Variants in MLLT3 observed in about 807,000 individuals in gnomAD.
The protein encoded by MLLT3 is MLLT3 super elongation complex subunit.
MLLT3 carries 4 observed loss-of-function variants against 53.2 expected under a neutral mutation model. The ratio of observed to expected loss-of-function variants is 0.08; its 90% confidence interval spans 0.04 to 0.17. The LOEUF is 0.17. Ranked by LOEUF, MLLT3 falls within the 10% of genes least tolerant of loss-of-function variation. The pLI is 1.00. For synonymous variants in MLLT3, 283 were observed against 230.6 expected (o/e 1.23, Z -2.06); for missense variants, 569 against 684.0 (o/e 0.83, Z 1.87).
intron 2 of MLLT3, among the ~76,000 whole-genome samples, chr9:20,535,477 C>G (rs143463146): frequency 6.6e-6 from 1 of 152,000 alleles, no homozygotes; most frequent in Non-Finnish European, 1.5e-5. Context: ...GAGGCCACAG[C>G]CAGCAAGCCT....
At chr9:20,405,732 T>C (rs868389096) in intron 5 of MLLT3, among the ~76,000 whole-genome samples, 23 of 152,230 alleles carry the variant, frequency 1.5e-4, no homozygotes, top group African/African-American at 5.1e-4. Flanking sequence ...GAGATTCTTC[T>C]TCATTCTCAG....
At chr9:20,551,700 C>A (rs1237728934) in intron 2 of MLLT3, among the ~76,000 whole-genome samples, 2 of 152,184 alleles carry the variant, frequency 1.3e-5, no homozygotes, top group African/African-American at 4.8e-5. Context: ...AGAGTGCTAA[C>A]TACTGTATAC....
Position 20,567,304 on chromosome 9 carries a change from TAAA to T in MLLT3, c.193+53347_193+53349del, listed in dbSNP as rs35505450. ...GAGCTGAAAGTAGTACTATATTCAG[TAAA>T]AAAAAAAAAAAAAAAAAAAAACACA... On this transcript the variant is annotated intron_variant, in intron 2 of 10. Coordinates refer to ENST00000380338, the MANE Select transcript of MLLT3 (RefSeq NM_004529.4). Among the ~76,000 whole-genome samples the T allele has an allele frequency of 4.0e-3, 318 of 79,960 alleles. 2 individuals carry two copies. Among genetic ancestry groups the T allele is most frequent in the East Asian group, 0.026 (77 of 2,938 alleles). The allele number at this position is 79,960 out of a possible 152,430, so 52.5% of individuals were successfully genotyped here.
At chr9:20,358,813 A>G (rs547468555) in intron 8 of MLLT3, among the ~76,000 whole-genome samples, 40 of 152,114 alleles carry the variant, frequency 2.6e-4, no homozygotes, top group Non-Finnish European at 5.1e-4. Context: ...GCTCTCATAT[A>G]CCACCCACTG....
At chr9:20,425,510 T>C (rs773376616) in intron 4 of MLLT3, among the ~76,000 whole-genome samples, 10 of 152,130 alleles carry the variant, frequency 6.6e-5, no homozygotes, top group South Asian at 6.2e-4. Flanking sequence ...TTTAGAGACT[T>C]TGTGAAATAC....
chr9:20,522,652 A>G (rs1316591216), intron 2 of MLLT3, among the ~76,000 whole-genome samples: 1 of 148,404 alleles, frequency 6.7e-6, no homozygotes, highest in Middle Eastern at 3.2e-3. Context: ...AGAGTAGAGA[A>G]GAAAATAAAC....
rs190175121 is a variant in MLLT3, at chr9:20,517,886, G to A, written c.194-61100C>T. 2.0e-5 allele frequency among the ~76,000 whole-genome samples: 3 copies of A among 152,104 alleles called. No individual in the cohort carries two copies. In the East Asian group the frequency reaches 5.8e-4, roughly 29 times the overall value. ...GAGAAATCAAATAAAACAAAATAGA[G>A]AAGCAGATGGCAAAAGAGATGAAGA... On this transcript the variant is annotated intron_variant, in intron 2 of 10. Coordinates refer to ENST00000380338, the MANE Select transcript of MLLT3 (RefSeq NM_004529.4).
rs146191918 is a variant in MLLT3, at chr9:20,558,911, G to A, written c.193+61743C>T. ...CAGCATTACAAACAGAAAGGAAGGG[G>A]AGAGCATCTTTCTCATAGCTTAGTC... is the stretch of plus-strand genomic sequence containing the variant. On this transcript the variant is annotated intron_variant, in intron 2 of 10. Coordinates refer to ENST00000380338, the MANE Select transcript of MLLT3 (RefSeq NM_004529.4). Among the ~76,000 whole-genome samples the A allele has an allele frequency of 2.2e-3, 339 of 152,336 alleles. 3 individuals are homozygous for A. Among genetic ancestry groups the A allele is most frequent in the African/African-American group, 7.8e-3 (325 of 41,574 alleles).
intron 2 of MLLT3, among the ~76,000 whole-genome samples, chr9:20,544,409 G>T (rs1818729403): frequency 6.6e-6 from 1 of 152,126 alleles, no homozygotes; most frequent in Non-Finnish European, 1.5e-5. Flanking sequence ...TCATCTATTT[G>T]ATAAGAGGTT....
intron 2 of MLLT3, among the ~76,000 whole-genome samples, chr9:20,487,248 A>G (rs1363881983): frequency 6.6e-6 from 1 of 152,088 alleles, no homozygotes; most frequent in East Asian, 1.9e-4. Context: ...TAAGGAGAAA[A>G]AAGGGTAAAA....
intron 2 of MLLT3, among the ~76,000 whole-genome samples, chr9:20,602,490 TA>T (rs895975621): frequency 1.3e-5 from 2 of 152,208 alleles, no homozygotes; most frequent in South Asian, 2.1e-4. Flanking sequence ...ACATGGCTTA[TA>T]AAAAAATCTA....
intron 2 of MLLT3, among the ~76,000 whole-genome samples, chr9:20,609,770 C>T (rs1469956911): frequency 2.0e-5 from 3 of 152,088 alleles, no homozygotes; most frequent in Admixed American, 1.3e-4. Flanking sequence ...CTCATGTTAT[C>T]TTCTACTTCC....
chr9:20,609,964 C>T (rs1820660352), intron 2 of MLLT3, among the ~76,000 whole-genome samples: 2 of 152,074 alleles, frequency 1.3e-5, no homozygotes, highest in Middle Eastern at 3.4e-3. Context: ...GCATGATAAC[C>T]AATATAGCTA....
intron 5 of MLLT3, among the ~76,000 whole-genome samples, chr9:20,373,443 C>T (rs775708460): frequency 1.3e-4 from 20 of 152,148 alleles, no homozygotes; most frequent in Non-Finnish European, 2.4e-4. Context: ...AAAGCGAGCA[C>T]CTGTCAAGGT....
chr9:20,463,432 G>A (rs1824161963), intron 2 of MLLT3, among the ~76,000 whole-genome samples: 1 of 151,896 alleles, frequency 6.6e-6, no homozygotes, highest in African/African-American at 2.4e-5. Flanking sequence ...AAACAGGACT[G>A]CTTTCACAAT....
At chr9:20,545,515 G>A (rs183912023) in intron 2 of MLLT3, among the ~76,000 whole-genome samples, 2 of 152,228 alleles carry the variant, frequency 1.3e-5, no homozygotes, top group African/African-American at 4.8e-5. Flanking sequence ...GTTGGCAAAA[G>A]TATACTGTAC....
At chr9:20,377,340 A>C (rs1050071606) in intron 5 of MLLT3, among the ~76,000 whole-genome samples, 7 of 152,226 alleles carry the variant, frequency 4.6e-5, no homozygotes, top group Non-Finnish European at 1.0e-4. Context: ...CTCAACATTT[A>C]TAACGGCAAC....
intron 3 of MLLT3, among the ~76,000 whole-genome samples, chr9:20,452,839 C>T (rs890264063): frequency 2.6e-5 from 4 of 152,092 alleles, no homozygotes; most frequent in South Asian, 2.1e-4. Context: ...GAGACTGGAA[C>T]GGTGGTTACC....
At chr9:20,588,102 C>A (rs559694883) in intron 2 of MLLT3, among the ~76,000 whole-genome samples, 1 of 152,170 alleles carries the variant, frequency 6.6e-6, no homozygotes, top group Non-Finnish European at 1.5e-5. Flanking sequence ...ATAGGGAATC[C>A]TTTCCCCATT....
Sources: allele counts gnomAD v4.1 joint callset (sites outside exome capture counted in the v4.1 genomes callset), GRCh38; gene constraint gnomAD v4.1.1; transcripts MANE v1.5; gene names NCBI Gene and HGNC (gene_info 2026-07-23, HGNC 2026-07-21).